NHSL1: variants seen among roughly 807,000 people sequenced by gnomAD.
The protein encoded by NHSL1 is NHS like 1.
NHSL1 carries 48 observed loss-of-function variants against 95.0 expected under a neutral mutation model. The ratio of observed to expected loss-of-function variants is 0.51; its 90% CI spans 0.40 to 0.64. NHSL1 has a LOEUF of 0.64. Among genes scored for constraint, NHSL1 ranks in the 30% least tolerant of loss-of-function variants. The pLI, the probability that NHSL1 is intolerant of heterozygous loss-of-function variation, is 0.00. For missense variants in NHSL1, 1,971 were observed against 2,077.7 expected, an observed-to-expected ratio of 0.95 and a Z score of 1.00; for synonymous variants, 783 against 833.9, an observed-to-expected ratio of 0.94 and a Z score of 1.05.
intron 1 of NHSL1, among the ~76,000 whole-genome samples, chr6:138,522,074 G>A (rs1032088613): frequency 1.3e-5 from 2 of 152,194 alleles, no homozygotes; most frequent in South Asian, 2.1e-4. Flanking sequence ...GTCTGGCCAC[G>A]TGGAAACCGT....
chr6:138,612,921 C>G (rs555953008), intron 1 of NHSL1, among the ~76,000 whole-genome samples: 1 of 152,302 alleles, frequency 6.6e-6, no homozygotes, highest in South Asian at 2.1e-4. Flanking sequence ...GGAGATACCA[C>G]TTTTAGTCTT....
chr6:138,613,396 A>G (rs1257801500), intron 1 of NHSL1, among the ~76,000 whole-genome samples: 1 of 152,178 alleles, frequency 6.6e-6, no homozygotes, highest in Non-Finnish European at 1.5e-5. Flanking sequence ...GGGAAACACC[A>G]TGCCTGGGTC....
At chr6:138,530,403 C>A (rs536062671) in intron 1 of NHSL1, among the ~76,000 whole-genome samples, 1 of 152,102 alleles carries the variant, frequency 6.6e-6, no homozygotes, top group East Asian at 1.9e-4. Flanking sequence ...AAGTACCATT[C>A]GATCCAGTAA....
intron 1 of NHSL1, among the ~76,000 whole-genome samples, chr6:138,654,156 A>C (rs569845869): frequency 6.6e-6 from 1 of 152,260 alleles, no homozygotes; most frequent in Non-Finnish European, 1.5e-5. Flanking sequence ...CACTAACTGC[A>C]TATCTAAGAG....
Position 138,515,636 on chromosome 6 carries a change from ACTAT to A in NHSL1, c.17-19269_17-19266del, listed in dbSNP as rs1378992699. Among the ~76,000 whole-genome samples the A allele has an allele frequency of 7.2e-5, 11 of 152,364 alleles. No individual in the cohort carries two copies. The East Asian group carries it at 1.2e-3, about 16-fold the overall frequency. ...ATCAAATGATGCAATAAAGAAATAA[ACTAT>A]CTATTTCTTGTCCATCAGGCATTCT... On this transcript the variant is annotated intron_variant, in intron 1 of 4. Transcript: ENST00000342260.
At chr6:138,491,704 C>A (rs968460232) in intron 2 of NHSL1, among the ~76,000 whole-genome samples, 1 of 152,178 alleles carries the variant, frequency 6.6e-6, no homozygotes, top group Non-Finnish European at 1.5e-5. Flanking sequence ...TCTATTGAAG[C>A]AAATATTAAA....
intron 1 of NHSL1, among the ~76,000 whole-genome samples, chr6:138,682,775 C>CCGGCTG (rs1415474091): frequency 6.6e-6 from 1 of 152,154 alleles, no homozygotes; most frequent in Middle Eastern, 3.2e-3. Flanking sequence ...CTGGCCTCAC[C>CCGGCTG]CGGCTGCGCT....
At chr6:138,516,487 C>G (rs561065065) in intron 1 of NHSL1, among the ~76,000 whole-genome samples, 26 of 152,314 alleles carry the variant, frequency 1.7e-4, no homozygotes, top group African/African-American at 6.0e-4. Flanking sequence ...GGGTTTGTGG[C>G]AATGGCTGTG....
intron 1 of NHSL1, among the ~76,000 whole-genome samples, chr6:138,665,925 C>A (rs973776983): frequency 6.6e-6 from 1 of 152,214 alleles, no homozygotes; most frequent in East Asian, 1.9e-4. Flanking sequence ...ACTATTCAGT[C>A]ATACACTGTG....
intron 1 of NHSL1, among the ~76,000 whole-genome samples, chr6:138,669,061 A>G (rs1344867010): frequency 6.6e-6 from 1 of 152,160 alleles, no homozygotes; most frequent in Non-Finnish European, 1.5e-5. Flanking sequence ...GCTGACCCTT[A>G]AGTTCTGGTC....
chr6:138,484,354 A>G (rs866787061), intron 2 of NHSL1, among the ~76,000 whole-genome samples: 2 of 152,004 alleles, frequency 1.3e-5, no homozygotes, highest in African/African-American at 2.4e-5. Context: ...GGGAGGGGGT[A>G]AAAAAAAGGA....
intron 1 of NHSL1, among the ~76,000 whole-genome samples, chr6:138,594,151 G>A (rs1320550953): frequency 6.6e-6 from 1 of 152,122 alleles, no homozygotes; most frequent in Non-Finnish European, 1.5e-5. Context: ...TGGGGGATGT[G>A]GATAAAATAG....
At chr6:138,546,148 G>C (rs1782785279), upstream of NHSL1, among the ~76,000 whole-genome samples, 1 of 151,662 alleles carries the variant, frequency 6.6e-6, no homozygotes, top group African/African-American at 2.4e-5. Context: ...CCATATACTG[G>C]TACATAATTA....
intron 3 of NHSL1, among the ~76,000 whole-genome samples, chr6:138,451,629 A>T (rs1777246733): frequency 6.6e-6 from 1 of 152,172 alleles, no homozygotes. Flanking sequence ...AACTTATCTC[A>T]CTTAATCTTC....
chr6:138,653,863 C>T (rs1297910677), intron 1 of NHSL1, among the ~76,000 whole-genome samples: 5 of 152,152 alleles, frequency 3.3e-5, no homozygotes, highest in East Asian at 1.9e-4. Context: ...CTGTATGATA[C>T]GCTCCAATAT....
chr6:138,488,155 G>A (rs1277276048), intron 2 of NHSL1, among the ~76,000 whole-genome samples: 1 of 152,054 alleles, frequency 6.6e-6, no homozygotes, highest in East Asian at 1.9e-4. Flanking sequence ...GTGCACACCT[G>A]TAGTCCCAGC....
At chr6:138,466,377 C>T (rs1043315009) in intron 3 of NHSL1, among the ~76,000 whole-genome samples, 2 of 152,228 alleles carry the variant, frequency 1.3e-5, no homozygotes, top group Admixed American at 6.5e-5. Flanking sequence ...ACATTTATTG[C>T]ACTGGCTGCT....
At chr6:138,606,887 T>G (rs1784441747) in intron 1 of NHSL1, among the ~76,000 whole-genome samples, 1 of 151,930 alleles carries the variant, frequency 6.6e-6, no homozygotes, top group Non-Finnish European at 1.5e-5. Context: ...GTATTTTTAG[T>G]AGAGACGGGG....
intron 2 of NHSL1, among the ~76,000 whole-genome samples, chr6:138,491,032 A>C (rs1433157154): frequency 6.6e-6 from 1 of 152,206 alleles, no homozygotes; most frequent in African/African-American, 2.4e-5. Context: ...ATAAATTCTC[A>C]ACTCCTATCC....
Sources: gnomAD v4.1 joint callset for allele counts (sites outside exome capture counted in the v4.1 genomes callset) on GRCh38, gnomAD v4.1.1 for gene constraint, MANE v1.5 for transcripts, NCBI Gene and HGNC (gene_info 2026-07-23, HGNC 2026-07-21) for gene names.